The following OTOGL variants were observed in gnomAD, a reference collection of about 807,000 sequenced individuals.
The protein encoded by OTOGL is otogelin-like protein.
OTOGL carries 285 observed loss-of-function variants against 318.5 expected under a neutral mutation model. That is an observed-to-expected ratio of 0.89 (90% CI 0.81 to 0.99). The LOEUF (loss-of-function observed/expected upper bound fraction) is 0.99, where lower values mean the gene tolerates loss of function less well. Among genes scored for constraint, OTOGL ranks in the 50% least tolerant of loss-of-function variants. OTOGL has a pLI of 0.00. For missense variants in OTOGL, 2,899 were observed against 2,845.6 expected, an observed-to-expected ratio of 1.02 and a Z score of -0.43; for synonymous variants, 987 against 936.5, an observed-to-expected ratio of 1.05 and a Z score of -0.99.
chr12:80,232,975 C>T lies in OTOGL; in HGVS notation c.695C>T (p.Ser232Leu). Reference sequence around the variant, plus strand: ...CTTGTGAAAACAACCTTTGGCTTTTCATTGGCTTGGGACGGGATATCTGGG... The same window carrying T: ...CTTGTGAAAACAACCTTTGGCTTTTTATTGGCTTGGGACGGGATATCTGGG... ...YILVKTTFGF[S>L]LAWDGISGIY... Residue 232 changes from serine (S) to leucine (L), a missense_variant, in exon 9 of 59, where the codon TCA becomes TTA. Physicochemically the swap from Ser to Leu is moderately radical, Grantham distance 145. This residue lies in a region of OTOGL where 2,607 missense variants were observed against 2,524.9 expected (regional missense o/e 1.03). Coordinates refer to ENST00000547103, the MANE Select transcript of OTOGL (RefSeq NM_001378609.3). 6.3e-7 allele frequency: 1 copy of T among 1,599,068 alleles called. No individual in the cohort carries two copies. The highest frequency in any genetic ancestry group is 8.5e-7 in the Non-Finnish European group (1 of 1,179,400).
At chr12:80,145,214 A>T (rs1872260565) in intron 1 of OTOGL, among the ~76,000 whole-genome samples, 1 of 150,688 alleles carries the variant, frequency 6.6e-6, no homozygotes, top group African/African-American at 2.5e-5. Context: ...TCTTTAATCC[A>T]TCTTGAATTG....
At chr12:80,238,417 C>T (rs1880053924) in intron 9 of OTOGL, among the ~76,000 whole-genome samples, 1 of 152,108 alleles carries the variant, frequency 6.6e-6, no homozygotes, top group African/African-American at 2.4e-5. Flanking sequence ...AATATAACTG[C>T]AATTTTAATA....
At chr12:80,164,584 C>T (rs1873719280) in intron 1 of OTOGL, among the ~76,000 whole-genome samples, 1 of 152,120 alleles carries the variant, frequency 6.6e-6, no homozygotes, top group Non-Finnish European at 1.5e-5. Context: ...GTAATAATGG[C>T]CACATGTTCA....
At chr12:80,368,817 CTAT>C (rs990717204) in intron 55 of OTOGL, among the ~76,000 whole-genome samples, 3 of 22,368 alleles carry the variant, frequency 1.3e-4, no homozygotes, top group African/African-American at 6.4e-4. Context: ...TTGACAACTA[CTAT>C]TTTTTTTTTT....
chr12:80,329,786 C>A (rs1887954220), intron 37 of OTOGL, among the ~76,000 whole-genome samples: 1 of 152,170 alleles, frequency 6.6e-6, no homozygotes, highest in Non-Finnish European at 1.5e-5. Flanking sequence ...ATTTGACAAG[C>A]TTTAATTGAG....
intron 35 of OTOGL, among the ~76,000 whole-genome samples, chr12:80,327,972 AAAAAAAAAAAAAAG>A (rs1565987004): frequency 6.8e-6 from 1 of 147,154 alleles, no homozygotes; most frequent in Non-Finnish European, 1.5e-5. Flanking sequence ...AAAAAAAAAA[AAAAAAAAAAAAAAG>A]AGTGGAAAGC....
At chr12:80,145,544 C>A (rs1225635538) in intron 1 of OTOGL, among the ~76,000 whole-genome samples, 1 of 151,584 alleles carries the variant, frequency 6.6e-6, no homozygotes. Context: ...GATGCGGGCT[C>A]TTTTTTGGTG....
chr12:80,355,224 C>CTT lies in OTOGL; in HGVS notation c.5594-509_5594-508dup, dbSNP rs11343611. On this transcript the variant is annotated intron_variant, in intron 46 of 58. Coordinates refer to ENST00000547103, the MANE Select transcript of OTOGL (RefSeq NM_001378609.3). ...ACTTTTTTCTTTTCTTTCTTTCTTT[C>CTT]TTTTCTTTTTTTTTTTTTTTTTTTG... Among the ~76,000 whole-genome samples the CTT allele has an allele frequency of 1.6e-3, 102 of 65,596 alleles. 4 individuals are homozygous for CTT. The highest frequency in any genetic ancestry group is 2.3e-3 in the Non-Finnish European group (76 of 33,702). The allele number at this position is 65,596 out of a possible 152,430, so 43.0% of individuals were successfully genotyped here.
chr12:80,172,710 A>C (rs1211868267), intron 1 of OTOGL, among the ~76,000 whole-genome samples: 1 of 152,194 alleles, frequency 6.6e-6, no homozygotes, highest in East Asian at 1.9e-4. Context: ...AGCCATAAAA[A>C]GAACGAGATC....
intron 1 of OTOGL, among the ~76,000 whole-genome samples, chr12:80,196,354 T>C (rs1196122773): frequency 6.6e-6 from 1 of 152,254 alleles, no homozygotes; most frequent in East Asian, 1.9e-4. Flanking sequence ...GTGATAATAT[T>C]GTTATTTATA....
chr12:80,256,093 T>A (rs963114139), intron 16 of OTOGL, among the ~76,000 whole-genome samples: 2 of 152,086 alleles, frequency 1.3e-5, no homozygotes, highest in Non-Finnish European at 2.9e-5. Flanking sequence ...ATGTACTATA[T>A]AAAGTTATAT....
chr12:80,262,227 G>T, intron 19 of OTOGL, 134 bp downstream of exon 19: 3 of 959,002 alleles, frequency 3.1e-6, no homozygotes, highest in African/African-American at 1.7e-5. Context: ...CATTCCTCGT[G>T]TATTTTTTTT....
chr12:80,327,169 G>C (rs1887725868), intron 35 of OTOGL, among the ~76,000 whole-genome samples: 1 of 152,072 alleles, frequency 6.6e-6, no homozygotes, highest in Admixed American at 6.5e-5. Context: ...ATTGAACTCT[G>C]AGCCTTAAAT....
At chr12:80,176,865 T>C (rs943291580) in intron 1 of OTOGL, among the ~76,000 whole-genome samples, 1 of 152,314 alleles carries the variant, frequency 6.6e-6, no homozygotes, top group Admixed American at 6.5e-5. Flanking sequence ...TTATAAGCAC[T>C]GTGTGAAAAT....
chr12:80,219,969 C>G, intron 6 of OTOGL, 57 bp downstream of exon 6: 1 of 1,264,798 alleles, frequency 7.9e-7, no homozygotes, highest in Non-Finnish European at 1.1e-6. Context: ...AAAATTAAGG[C>G]ATAATTTGCT....
Position 80,222,196 on chromosome 12 carries a change from AC to A in OTOGL, c.441del (p.Tyr147Ter). On this transcript the variant is annotated frameshift_variant, in exon 7 of 59. Transcript: ENST00000547103. LOFTEE classifies it high-confidence loss of function. Reference sequence around the variant, plus strand: ...TATTACTTCCCAGGAAACTGTTCTTACATTTTTGCAAAGGACTGTGGTGATT... The same window carrying A: ...TATTACTTCCCAGGAAACTGTTCTTAATTTTTGCAAAGGACTGTGGTGATT... ...IYYYFPGNCS[Y>X]IFAKDCGDLE... 1 of 1,598,336 alleles carries A rather than the reference AC, an allele frequency of 6.3e-7. No homozygotes were observed. The highest frequency in any genetic ancestry group is 1.7e-4 in the Middle Eastern group (1 of 6,056).
rs141833959 is a variant in OTOGL at position 80,254,368 on chromosome 12, ATTTAT to A, written c.1395-142_1395-138del. ...TTTTTTATTATTATTTATTGATTTT[ATTTAT>A]TTTATTTTATTTTTTGCAGAGATTT... On this transcript the variant is annotated intron_variant, in intron 14 of 58. Transcript: ENST00000547103. Among the ~76,000 whole-genome samples, 110,115 of 150,730 alleles carry A rather than the reference ATTTAT, an allele frequency of 0.73. 42,019 individuals carry two copies. Among genetic ancestry groups the A allele is most frequent in the East Asian group, 1 (5,144 of 5,150 alleles).
At chr12:80,348,666 A>G (rs537305758) in intron 44 of OTOGL, among the ~76,000 whole-genome samples, 4 of 152,288 alleles carry the variant, frequency 2.6e-5, no homozygotes, top group African/African-American at 9.6e-5. Flanking sequence ...CAAAGTTCTT[A>G]CCAGGGCTGT....
chr12:80,250,377 A>C (rs1481744381), intron 11 of OTOGL, among the ~76,000 whole-genome samples: 1 of 152,200 alleles, frequency 6.6e-6, no homozygotes, highest in Non-Finnish European at 1.5e-5. Flanking sequence ...TTCCTAGAAT[A>C]ACATAAACAA....
Sources: gnomAD v4.1 joint callset for allele counts (sites outside exome capture counted in the v4.1 genomes callset) on GRCh38, gnomAD v4.1.1 for gene constraint, gnomAD v4.1.1 regional missense constraint, MANE v1.5 for transcripts, NCBI Gene and HGNC (gene_info 2026-07-23, HGNC 2026-07-21) for gene names.